Variants in SLC37A1 observed in about 807,000 individuals in gnomAD.
SLC37A1 encodes solute carrier family 37 member 1.
A neutral mutation model predicts 75.3 loss-of-function variants in SLC37A1; 49 were observed. That is an observed-to-expected ratio of 0.65 (90% CI 0.52 to 0.83). The LOEUF (loss-of-function observed/expected upper bound fraction) is 0.83. Ranked by LOEUF, SLC37A1 falls within the 40% of genes least tolerant of loss-of-function variation. The pLI is 0.00. For synonymous variants in SLC37A1, 268 were observed against 292.1 expected (o/e 0.92, Z 0.84); for missense variants, 566 against 695.0 (o/e 0.81, Z 2.09).
At chr21:42,556,622 C>A (rs1362988696) in intron 10 of SLC37A1, among the ~76,000 whole-genome samples, 1 of 152,214 alleles carries the variant, frequency 6.6e-6, no homozygotes, top group East Asian at 1.9e-4. Flanking sequence ...GCCACAGAAG[C>A]CCCCACACCC....
chr21:42,500,014 C>T (rs1213753111), intron 1 of SLC37A1, among the ~76,000 whole-genome samples: 1 of 152,184 alleles, frequency 6.6e-6, no homozygotes, highest in African/African-American at 2.4e-5. Flanking sequence ...GTTGCCATGG[C>T]GACTGAGTCC....
chr21:42,555,775 G>A (rs2055673172), intron 10 of SLC37A1, among the ~76,000 whole-genome samples: 1 of 152,248 alleles, frequency 6.6e-6, no homozygotes, highest in Non-Finnish European at 1.5e-5. Context: ...AAGAAAGGCT[G>A]TTTACAGACT....
chr21:42,574,840 G>T lies in SLC37A1; in HGVS notation c.1446G>T (p.Leu482=), dbSNP rs1343543134. ...GSVGAALGPL[L]AGLLSPSGWS... ...CAGGAGCAGCCCTGGGCCCCCTGCT[G>T]GCTGGGCTCCTCTCCCCGTCCGGCT... Residue 482 remains leucine (L), a synonymous_variant, in exon 18 of 20, where the codon CTG becomes CTT. Transcript: ENST00000352133. 5 of 1,614,026 alleles carry T rather than the reference G, an allele frequency of 3.1e-6. No homozygotes were observed. The highest frequency in any genetic ancestry group is 4.2e-6 in the Non-Finnish European group (5 of 1,180,020).
rs779964825 is a variant in SLC37A1 at position 42,542,396 on chromosome 21, T to C, written c.487-8T>C. On this transcript the variant is annotated splice_region_variant and splice_polypyrimidine_tract_variant and intron_variant, in intron 6 of 19. Transcript: ENST00000352133. ...ACAGGTCAGTCTCTCCTTTGGCCTC[T>C]CCTGCAGGTCATCAACGGGCTGGTG... 2 of 1,613,578 alleles carry C rather than the reference T, an allele frequency of 1.2e-6. No individual in the cohort carries two copies. The highest frequency in any genetic ancestry group is 8.5e-7 in the Non-Finnish European group (1 of 1,179,754).
intron 8 of SLC37A1, among the ~76,000 whole-genome samples, chr21:42,544,646 G>A (rs1056451249): frequency 1.3e-5 from 2 of 152,154 alleles, no homozygotes; most frequent in African/African-American, 2.4e-5. Flanking sequence ...GTAAGCCTTC[G>A]GCCACACCCC....
At chr21:42,551,498 G>A (rs759570762) in intron 9 of SLC37A1, among the ~76,000 whole-genome samples, 1 of 152,206 alleles carries the variant, frequency 6.6e-6, no homozygotes, top group Non-Finnish European at 1.5e-5. Context: ...CTTTTTGGAG[G>A]TGATGAAAAT....
At chr21:42,544,793 G>A (rs901774957) in intron 8 of SLC37A1, among the ~76,000 whole-genome samples, 38 of 152,166 alleles carry the variant, frequency 2.5e-4, no homozygotes, top group South Asian at 2.1e-4. Flanking sequence ...GTTTTCTTCC[G>A]CTCTGGTTCC....
intron 1 of SLC37A1, among the ~76,000 whole-genome samples, chr21:42,515,846 C>T (rs543285620): frequency 6.6e-6 from 1 of 152,298 alleles, no homozygotes; most frequent in African/African-American, 2.4e-5. Flanking sequence ...GCAACCTCCG[C>T]TTCCCAGGTT....
chr21:42,553,065 G>A (rs1039669149), intron 9 of SLC37A1, among the ~76,000 whole-genome samples: 1 of 152,196 alleles, frequency 6.6e-6, no homozygotes, highest in African/African-American at 2.4e-5. Context: ...GCCTCGAAAT[G>A]TAAAGGGTGG....
chr21:42,547,031 C>T lies in SLC37A1; in HGVS notation c.731-72C>T. On this transcript the variant is annotated intron_variant, in intron 8 of 19. Coordinates refer to ENST00000352133, the MANE Select transcript of SLC37A1 (RefSeq NM_001320537.2). The surrounding 1 kb of genome is among the most constrained non-coding windows in gnomAD (Gnocchi z 6.1). The stretch of plus-strand genomic sequence containing the variant: ...CGGTGCTCCCGTGTTGCCCTGTCCT[C>T]GGGTTACGTAGCTTACTTGGCATTG... The T allele has an allele frequency of 3.8e-6, 6 of 1,591,812 alleles. 1 individual carries two copies. The highest frequency in any genetic ancestry group is 4.5e-5 in the East Asian group (2 of 44,748).
chr21:42,524,939 A>C (rs1413554434), intron 2 of SLC37A1, among the ~76,000 whole-genome samples: 2 of 151,732 alleles, frequency 1.3e-5, no homozygotes, highest in African/African-American at 4.8e-5. Flanking sequence ...AGAGGTTGGG[A>C]CTCCACCCGT....
intron 3 of SLC37A1, among the ~76,000 whole-genome samples, chr21:42,530,652 A>ACCCCC (rs905052485): frequency 2.6e-3 from 66 of 25,078 alleles, no homozygotes; most frequent in Non-Finnish European, 4.1e-3. Flanking sequence ...ACACACACAC[A>ACCCCC]CACCCCCTCT....
Position 42,547,375 on chromosome 21 carries a change from A to G in SLC37A1, c.768+235A>G. The G allele has an allele frequency of 4.2e-6, 2 of 478,064 alleles. No individual in the cohort carries two copies. The highest frequency in any genetic ancestry group is 3.5e-5 in the East Asian group (1 of 28,396). 29.6% of individuals were successfully genotyped at this position (478,064 alleles called of 1,614,324 possible). A position where few individuals can be genotyped will look rare whatever the true frequency, so the allele number is the denominator to read the frequency against. On this transcript the variant is annotated intron_variant, in intron 9 of 19. Coordinates refer to ENST00000352133, the MANE Select transcript of SLC37A1 (RefSeq NM_001320537.2). The surrounding 1 kb of genome is among the most constrained non-coding windows in gnomAD (Gnocchi z 6.1). Reference sequence around the variant, plus strand: ...CAATGCTGTCCAGATGAAGGACTTCATGCTAAGGGGAACCAAAGGCTGGGC... The same window carrying G: ...CAATGCTGTCCAGATGAAGGACTTCGTGCTAAGGGGAACCAAAGGCTGGGC...
chr21:42,513,121 C>G (rs953211809), upstream of SLC37A1, among the ~76,000 whole-genome samples: 2 of 152,224 alleles, frequency 1.3e-5, no homozygotes, highest in African/African-American at 2.4e-5. Flanking sequence ...TGCTCTGAAG[C>G]CATCCTGGGG....
intron 10 of SLC37A1, among the ~76,000 whole-genome samples, chr21:42,555,482 G>T (rs139505715): frequency 6.1e-4 from 93 of 152,332 alleles, no homozygotes; most frequent in African/African-American, 2.2e-3. Flanking sequence ...ATTAGAAAAG[G>T]GAAGAATGAT....
intron 15 of SLC37A1, 51 bp from the exon 16 acceptor site, chr21:42,566,934 G>T: frequency 6.4e-7 from 1 of 1,572,542 alleles, no homozygotes; most frequent in Non-Finnish European, 8.6e-7. Flanking sequence ...CTATGCATGC[G>T]GGGCTCTCTG....
chr21:42,565,922 G>A, intron 15 of SLC37A1, 47 bp downstream of exon 15: 1 of 1,572,240 alleles, frequency 6.4e-7, no homozygotes, highest in Non-Finnish European at 8.7e-7. Context: ...CGTTTTTAAA[G>A]TTCACACAGC....
upstream of SLC37A1, among the ~76,000 whole-genome samples, chr21:42,513,640 G>A (rs1273314736): frequency 1.1e-4 from 17 of 151,390 alleles, no homozygotes; most frequent in African/African-American, 4.1e-4. Flanking sequence ...GCCATGACCC[G>A]GGTTCGCCCG....
At chr21:42,579,874 G>A in intron 19 of SLC37A1, 74 bp downstream of exon 19, 4 of 1,366,390 alleles carry the variant, frequency 2.9e-6, no homozygotes, top group Non-Finnish European at 4.1e-6. Context: ...TCTGCCTTCT[G>A]CACCTGGCTT....
Sources: gnomAD v4.1 joint callset for allele counts (sites outside exome capture counted in the v4.1 genomes callset) on GRCh38, gnomAD v4.1.1 for gene constraint, Gnocchi (gnomAD v3.1) non-coding constraint, MANE v1.5 for transcripts, NCBI Gene and HGNC (gene_info 2026-07-23, HGNC 2026-07-21) for gene names.